Variants in ZNF726 observed in about 807,000 individuals in gnomAD.
ZNF726 encodes zinc finger protein 726.
In ZNF726, 15 loss-of-function variants were observed where a neutral mutation model predicts 11.6. That is an observed-to-expected ratio of 1.29 (90% CI 0.86 to 1.99). The LOEUF is 1.99. ZNF726 is among the 30% of genes most tolerant of loss of function. ZNF726 has a pLI of 0.00. For synonymous variants in ZNF726, 295 were observed against 243.6 expected (o/e 1.21, Z -1.96); for missense variants, 890 against 725.6 (o/e 1.23, Z -2.60).
At chr19:23,943,477 T>G (rs779109089) in intron 3 of ZNF726, 80 of 594,836 alleles carry the variant, frequency 1.3e-4, no homozygotes, top group Non-Finnish European at 2.3e-4. Context: ...TCATATTACT[T>G]TTTTCTAACA....
chr19:23,917,072 T>C (rs1967719115), intron 1 of ZNF726, among the ~76,000 whole-genome samples: 1 of 152,212 alleles, frequency 6.6e-6, no homozygotes, highest in Non-Finnish European at 1.5e-5. Context: ...TGCTTCAGTC[T>C]CCCAAGTAGG....
At chr19:23,932,170 T>G (rs560050898) in intron 3 of ZNF726, among the ~76,000 whole-genome samples, 173 bp from the exon 4 acceptor site, 32 of 152,136 alleles carry the variant, frequency 2.1e-4, no homozygotes, top group Non-Finnish European at 4.7e-4. Context: ...CCCACAGATG[T>G]ATTTTGGTTT....
intron 4 of ZNF726, chr19:23,944,541 G>A (rs2145009445): frequency 1.3e-5 from 2 of 153,074 alleles, no homozygotes; most frequent in East Asian, 3.8e-4. Context: ...AGTTGTTTGA[G>A]TTACTTGTAA....
downstream of ZNF726, among the ~76,000 whole-genome samples, chr19:23,938,877 G>T (rs1968291950): frequency 6.6e-6 from 1 of 152,024 alleles, no homozygotes; most frequent in African/African-American, 2.4e-5. Flanking sequence ...AAAATACTGG[G>T]ATTACAGGTG....
chr19:23,926,202 A>G (rs971826757), intron 3 of ZNF726, among the ~76,000 whole-genome samples: 6 of 152,066 alleles, frequency 3.9e-5, no homozygotes, highest in Admixed American at 1.3e-4. Context: ...TTAATTTTAT[A>G]TCTAAGAAAA....
downstream of ZNF726, among the ~76,000 whole-genome samples, chr19:23,937,844 G>C (rs940945969): frequency 6.6e-6 from 1 of 152,226 alleles, no homozygotes; most frequent in African/African-American, 2.4e-5. Flanking sequence ...CTGCACTCCA[G>C]CCTGGGCACC....
downstream of ZNF726, chr19:23,934,521 T>A: frequency 2.7e-6 from 1 of 369,212 alleles, no homozygotes; most frequent in East Asian, 7.2e-5. Flanking sequence ...TGCACCTTTA[T>A]TGTTTATTCT....
At position 23,934,432 on chromosome 19, in the gene ZNF726, G is replaced by T. The variant is rs564445376; in HGVS notation, c.*465G>T. ...AAGCCTTTAAGCAGTCTTCAATCCT[G>T]AGTAACCATAAGATAATTCAAACTG... On this transcript the variant is annotated 3_prime_UTR_variant, in exon 4 of 4. Transcript: ENST00000594466. 2 of 443,730 alleles carry T rather than the reference G, an allele frequency of 4.5e-6. No individual in the cohort carries two copies. Among genetic ancestry groups the T allele is most frequent in the Non-Finnish European group, 4.6e-6 (1 of 218,414 alleles). 27.5% of individuals were successfully genotyped at this position (443,730 alleles called of 1,614,324 possible).
chr19:23,936,846 C>T (rs1279638024), downstream of ZNF726, among the ~76,000 whole-genome samples: 1 of 151,926 alleles, frequency 6.6e-6, no homozygotes, highest in African/African-American at 2.4e-5. Flanking sequence ...AAAAGTCTCC[C>T]ATGTCTACCT....
chr19:23,941,702 G>T (rs1968341623), intron 3 of ZNF726, among the ~76,000 whole-genome samples: 1 of 151,864 alleles, frequency 6.6e-6, no homozygotes, highest in Non-Finnish European at 1.5e-5. Flanking sequence ...AAGCTAGGAG[G>T]GTTGTATTTT....
At chr19:23,927,821 C>A (rs1470650702) in intron 3 of ZNF726, 1 of 152,198 alleles carries the variant, frequency 6.6e-6, no homozygotes, top group Admixed American at 6.5e-5. Flanking sequence ...TGTGTCCTAA[C>A]AGAATACACC....
At chr19:23,942,544 G>C (rs1196709494) in intron 3 of ZNF726, among the ~76,000 whole-genome samples, 1 of 152,132 alleles carries the variant, frequency 6.6e-6, no homozygotes, top group Non-Finnish European at 1.5e-5. Context: ...TCTGTCTAGT[G>C]CTGTCAGTGG....
At position 23,932,334 on chromosome 19, in the gene ZNF726, T is replaced by G; in HGVS notation, c.227-9T>G. 7.5e-7 allele frequency: 1 copy of G among 1,329,826 alleles called. No individual in the cohort carries two copies. The highest frequency in any genetic ancestry group is 9.7e-7 in the Non-Finnish European group (1 of 1,035,808). The allele number at this position is 1,329,826 out of a possible 1,614,324, so 82.4% of individuals were successfully genotyped here. A position where few individuals can be genotyped will look rare whatever the true frequency, so the allele number is the denominator to read the frequency against. ...GTAAGTGGAGTAAATTATTTTAATT[T>G]TTTTTTAGGTATATGTCCTCATTTT... On this transcript the variant is annotated splice_polypyrimidine_tract_variant and intron_variant, in intron 3 of 3. Coordinates refer to ENST00000594466, the MANE Select transcript of ZNF726 (RefSeq NM_001244038.2).
At chr19:23,928,194 C>T (rs1161934055) in intron 3 of ZNF726, 3 of 152,166 alleles carry the variant, frequency 2.0e-5, no homozygotes, top group Non-Finnish European at 2.9e-5. Flanking sequence ...AGCTTGGTGA[C>T]ACTCTCACCA....
downstream of ZNF726, chr19:23,935,517 GATT>G (rs762583385): frequency 2.5e-6 from 1 of 398,472 alleles, no homozygotes; most frequent in Non-Finnish European, 4.9e-6. Context: ...ACAGATATAA[GATT>G]ATTCATACTG....
chr19:23,931,710 G>T (rs1351038220), intron 3 of ZNF726, among the ~76,000 whole-genome samples: 1 of 152,084 alleles, frequency 6.6e-6, no homozygotes, highest in African/African-American at 2.4e-5. Flanking sequence ...GACCTGTATT[G>T]TCTGAAATTT....
intron 3 of ZNF726, chr19:23,943,373 A>T (rs1037445210): frequency 9.5e-6 from 4 of 422,642 alleles, no homozygotes; most frequent in African/African-American, 8.0e-5. Flanking sequence ...GTTCTATCAG[A>T]AAACAGTATT....
chr19:23,924,153 C>T (rs541346109), intron 3 of ZNF726, among the ~76,000 whole-genome samples: 3 of 151,956 alleles, frequency 2.0e-5, no homozygotes, highest in African/African-American at 7.2e-5. Context: ...AAGTAATTCT[C>T]CTGCCTCAGC....
downstream of ZNF726, among the ~76,000 whole-genome samples, chr19:23,937,556 G>A (rs1968265133): frequency 6.6e-6 from 1 of 151,844 alleles, no homozygotes. Context: ...GGGCAGCCGG[G>A]CAGAGACGCT....
Sources: gnomAD v4.1 joint callset for allele counts (sites outside exome capture counted in the v4.1 genomes callset) on GRCh38, gnomAD v4.1.1 for gene constraint, MANE v1.5 for transcripts, NCBI Gene and HGNC (gene_info 2026-07-23, HGNC 2026-07-21) for gene names.